RNLS: variants seen among roughly 807,000 people sequenced by gnomAD.
RNLS encodes the protein renalase.
A neutral mutation model predicts 39.8 loss-of-function variants in RNLS; 39 were observed. The observed-to-expected ratio is 0.98, with a 90% CI of 0.76 to 1.28. RNLS has a LOEUF of 1.28. RNLS is among the 50% of genes most tolerant of loss of function. The pLI, the probability that RNLS is intolerant of heterozygous loss-of-function variation, is 0.00. For missense variants in RNLS, 410 were observed against 413.3 expected (o/e 0.99, Z 0.07); for synonymous variants, 147 against 150.7 (o/e 0.98, Z 0.18).
intron 4 of RNLS, among the ~76,000 whole-genome samples, chr10:88,450,927 G>C (rs570102906): frequency 1.3e-5 from 2 of 152,248 alleles, no homozygotes; most frequent in African/African-American, 4.8e-5. Flanking sequence ...GAAGGAAGCA[G>C]AATTAGATGG....
At chr10:88,280,526 G>T (rs73360729), downstream of RNLS, among the ~76,000 whole-genome samples, 1 of 152,246 alleles carries the variant, frequency 6.6e-6, no homozygotes, top group South Asian at 2.1e-4. Flanking sequence ...TGTGTGGGGG[G>T]AGGGGTTGAA....
chr10:88,524,886 A>C (rs1846985016), intron 4 of RNLS, among the ~76,000 whole-genome samples: 1 of 147,024 alleles, frequency 6.8e-6, no homozygotes, highest in African/African-American at 2.5e-5. Context: ...TTATTTTCCC[A>C]GTCTGGCAAC....
chr10:88,465,590 T>C (rs1012087759), intron 4 of RNLS, among the ~76,000 whole-genome samples: 4 of 152,098 alleles, frequency 2.6e-5, no homozygotes, highest in Admixed American at 6.6e-5. Context: ...TCCCTAGAGA[T>C]GATAGCTGGA....
rs117154873 is a variant in RNLS at position 88,492,966 on chromosome 10, C to T, written c.526+79937G>A. On this transcript the variant is annotated intron_variant, in intron 4 of 6. Coordinates refer to ENST00000331772, the MANE Select transcript of RNLS (RefSeq NM_001031709.3). ...TGAAATTTTTAATATTTGAAAATGACAAAATGTATGAAATTATTTAAGTAT... is the reference window on the plus strand; with the variant it reads ...TGAAATTTTTAATATTTGAAAATGATAAAATGTATGAAATTATTTAAGTAT... Among the ~76,000 whole-genome samples, 1,514 of 152,144 alleles carry T rather than the reference C, an allele frequency of 1.0e-2. 15 individuals carry two copies. Among genetic ancestry groups the T allele is most frequent in the Non-Finnish European group, 0.012 (834 of 68,008 alleles).
chr10:88,410,705 A>G (rs1484680571), intron 4 of RNLS, among the ~76,000 whole-genome samples: 1 of 146,688 alleles, frequency 6.8e-6, no homozygotes, highest in East Asian at 2.0e-4. Flanking sequence ...TGTGAACCTG[A>G]GCAAATTACT....
the RNLS span, among the ~76,000 whole-genome samples, chr10:88,216,916 G>A: frequency 2.0e-5 from 3 of 152,206 alleles, no homozygotes; most frequent in African/African-American, 7.2e-5. Flanking sequence ...AAGGTGTGGT[G>A]TGTGGGCTGT....
intron 6 of RNLS, among the ~76,000 whole-genome samples, chr10:88,298,873 G>A (rs558711590): frequency 5.6e-4 from 86 of 152,246 alleles, no homozygotes; most frequent in African/African-American, 2.0e-3. Flanking sequence ...TTGCAATTTT[G>A]ATAGAGCCTG....
At chr10:88,271,100 A>G (rs762059674), downstream of RNLS, among the ~76,000 whole-genome samples, 2 of 152,174 alleles carry the variant, frequency 1.3e-5, no homozygotes, top group African/African-American at 2.4e-5. Context: ...GGCTTGTGGT[A>G]CTGGAGCCTG....
intron 4 of RNLS, among the ~76,000 whole-genome samples, chr10:88,478,875 CTCTTTCTT>C (rs148397798): frequency 6.7e-6 from 1 of 149,416 alleles, no homozygotes; most frequent in Non-Finnish European, 1.5e-5. Context: ...TTCTTTCTTT[CTCTTTCTT>C]TCTTTCTTTC....
chr10:88,528,461 G>A (rs2134229870), intron 4 of RNLS, among the ~76,000 whole-genome samples: 1 of 152,242 alleles, frequency 6.6e-6, no homozygotes, highest in South Asian at 2.1e-4. Context: ...ATACAACATA[G>A]GGAAGAGGTG....
At chr10:88,191,769 G>T in the RNLS span, among the ~76,000 whole-genome samples, 1 of 152,172 alleles carries the variant, frequency 6.6e-6, no homozygotes, top group Non-Finnish European at 1.5e-5. Context: ...TCCTAGACCA[G>T]GAAAGAGGAG....
At chr10:88,485,516 G>GA (rs1165013348) in intron 4 of RNLS, among the ~76,000 whole-genome samples, 5 of 150,362 alleles carry the variant, frequency 3.3e-5, no homozygotes, top group Non-Finnish European at 7.4e-5. Flanking sequence ...AGAAAAGTTT[G>GA]AAAAAATCTT....
At chr10:88,547,485 A>T (rs1848378291) in intron 4 of RNLS, among the ~76,000 whole-genome samples, 1 of 152,250 alleles carries the variant, frequency 6.6e-6, no homozygotes, top group African/African-American at 2.4e-5. Context: ...ATCTGGGTTA[A>T]AGTAAATATA....
intron 4 of RNLS, among the ~76,000 whole-genome samples, chr10:88,510,509 A>G (rs1159524209): frequency 6.6e-6 from 1 of 152,130 alleles, no homozygotes; most frequent in African/African-American, 2.4e-5. Context: ...TTATGTAAGT[A>G]TCTCTATTAT....
At chr10:88,494,005 G>C (rs1444017501) in intron 4 of RNLS, among the ~76,000 whole-genome samples, 2 of 152,092 alleles carry the variant, frequency 1.3e-5, no homozygotes, top group Non-Finnish European at 2.9e-5. Context: ...CCTTTGTCAT[G>C]ATATGCATGC....
chr10:88,310,137 G>C (rs1156638134), intron 6 of RNLS, among the ~76,000 whole-genome samples: 1 of 152,110 alleles, frequency 6.6e-6, no homozygotes, highest in Admixed American at 6.6e-5. Flanking sequence ...GCTTGAGCCG[G>C]GGAAGTCGAG....
intron 4 of RNLS, among the ~76,000 whole-genome samples, chr10:88,479,764 T>C (rs1488879603): frequency 6.6e-6 from 1 of 151,336 alleles, no homozygotes; most frequent in Non-Finnish European, 1.5e-5. Flanking sequence ...ATATCAGCCA[T>C]TCTTCTCTGG....
chr10:88,410,347 C>T (rs1015498885), intron 4 of RNLS, among the ~76,000 whole-genome samples: 28 of 151,918 alleles, frequency 1.8e-4, no homozygotes, highest in Non-Finnish European at 3.4e-4. Flanking sequence ...TTACTTTATT[C>T]TTATTTTCAT....
chr10:88,258,972 C>T, the RNLS span, among the ~76,000 whole-genome samples: 11 of 152,354 alleles, frequency 7.2e-5, no homozygotes, highest in Non-Finnish European at 1.5e-4. Flanking sequence ...AAAGAGCATT[C>T]CGGATGCCCT....
Sources: allele counts gnomAD v4.1 joint callset (sites outside exome capture counted in the v4.1 genomes callset), GRCh38; gene constraint gnomAD v4.1.1; transcripts MANE v1.5; gene names NCBI Gene and HGNC (gene_info 2026-07-23, HGNC 2026-07-21).